ANKRD11: variants seen among roughly 807,000 people sequenced by gnomAD.
The protein encoded by ANKRD11 is ankyrin repeat domain-containing protein 11.
Under a neutral mutation model 195.7 loss-of-function variants are expected in ANKRD11, and 17 were observed. That is an observed-to-expected ratio of 0.09 (90% CI 0.06 to 0.13). The LOEUF is 0.13. ANKRD11 is among the 10% of genes least tolerant of loss of function. The pLI, the probability that ANKRD11 is intolerant of heterozygous loss-of-function variation, is 1.00. For synonymous variants in ANKRD11, 1,953 were observed against 1,528.1 expected (o/e 1.28, Z -6.49); for missense variants, 3,735 against 3,566.1 (o/e 1.05, Z -1.21).
At chr16:89,311,523 C>T (rs1249251394) in intron 3 of ANKRD11, among the ~76,000 whole-genome samples, 1 of 152,194 alleles carries the variant, frequency 6.6e-6, no homozygotes, top group African/African-American at 2.4e-5. Context: ...GCTTACCTCA[C>T]ACCACATACA....
intron 2 of ANKRD11, among the ~76,000 whole-genome samples, chr16:89,326,363 G>C (rs2037717796): frequency 6.6e-6 from 1 of 152,040 alleles, no homozygotes; most frequent in Admixed American, 6.6e-5. Flanking sequence ...GTCTGCAGAA[G>C]GGGACGCAGC....
In ANKRD11 at chr16:89,490,255, G is replaced by GGGCTGCGC. The variant is rs1416474448; in HGVS notation, c.-163_-156dup. On this transcript the variant is annotated 5_prime_UTR_variant, in exon 1 of 13. It removes the in-frame stop codon of an upstream open reading frame in the 5' UTR. Coordinates refer to ENST00000301030, the MANE Select transcript of ANKRD11 (RefSeq NM_013275.6). Reference sequence around the variant, plus strand: ...AGCGGCGCCTCTCACCGTGCTCCGAGGGCTGCGCGGCTCCGCGACGGCTCA... The same window carrying GGGCTGCGC: ...AGCGGCGCCTCTCACCGTGCTCCGAGGGCTGCGCGGCTGCGCGGCTCCGCGACGGCTCA... 1 of 155,848 alleles carries GGGCTGCGC rather than the reference G, an allele frequency of 6.4e-6. No individual in the cohort carries two copies. The highest frequency in any genetic ancestry group is 2.4e-5 in the African/African-American group (1 of 41,144). 9.7% of individuals were successfully genotyped at this position (155,848 alleles called of 1,614,324 possible).
At chr16:89,312,496 G>A (rs763321135) in intron 3 of ANKRD11, among the ~76,000 whole-genome samples, 13 of 152,220 alleles carry the variant, frequency 8.5e-5, no homozygotes, top group African/African-American at 1.2e-4. Context: ...GCCACAGGCC[G>A]TGTGCTCTGA....
At chr16:89,462,458 G>C (rs80003458) in intron 1 of ANKRD11, among the ~76,000 whole-genome samples, 15,961 of 152,276 alleles carry the variant, frequency 0.1, 1,106 homozygotes, top group Middle Eastern at 0.19. Flanking sequence ...GCCTCCCAAA[G>C]TGCCGAGACT....
chr16:89,316,734 C>T (rs1022179329), intron 3 of ANKRD11, among the ~76,000 whole-genome samples, 199 bp downstream of exon 3: 2 of 152,166 alleles, frequency 1.3e-5, no homozygotes, highest in African/African-American at 4.8e-5. Context: ...ACTTCGGTCC[C>T]CAAATAACAA....
intron 1 of ANKRD11, among the ~76,000 whole-genome samples, chr16:89,433,248 C>T (rs569995989): frequency 6.6e-6 from 1 of 152,304 alleles, no homozygotes; most frequent in African/African-American, 2.4e-5. Flanking sequence ...AGTTGAGTGG[C>T]CATGACTGGC....
intron 2 of ANKRD11, among the ~76,000 whole-genome samples, chr16:89,351,963 T>A (rs1250781865): frequency 6.6e-6 from 1 of 152,140 alleles, no homozygotes; most frequent in Admixed American, 6.5e-5. Context: ...CAGGATGGAG[T>A]GCAGTGGTGC....
chr16:89,338,424 TAA>T (rs397854933), intron 2 of ANKRD11, among the ~76,000 whole-genome samples: 1,560 of 126,986 alleles, frequency 0.012, 42 homozygotes, highest in East Asian at 0.11. Context: ...TACACTCTGT[TAA>T]AAAAAAAAAA....
intron 1 of ANKRD11, among the ~76,000 whole-genome samples, chr16:89,441,492 G>T (rs938559935): frequency 6.6e-6 from 1 of 151,374 alleles, no homozygotes; most frequent in African/African-American, 2.4e-5. Context: ...ACCTGGCCGG[G>T]CGCGGTGGCT....
intron 2 of ANKRD11, among the ~76,000 whole-genome samples, chr16:89,407,011 C>T (rs1005692208): frequency 2.6e-5 from 4 of 151,910 alleles, no homozygotes; most frequent in African/African-American, 7.3e-5. Context: ...ATGGTGAAAC[C>T]CTGTCTCTAC....
At chr16:89,420,113 T>C (rs2042451445) in intron 1 of ANKRD11, 2 of 152,274 alleles carry the variant, frequency 1.3e-5, no homozygotes, top group East Asian at 3.9e-4. Context: ...TAAAAATAAA[T>C]GTGAATACGC....
chr16:89,399,974 A>T (rs913108356), intron 2 of ANKRD11, among the ~76,000 whole-genome samples: 5 of 152,104 alleles, frequency 3.3e-5, no homozygotes, highest in Admixed American at 6.5e-5. Flanking sequence ...CCTCTGCCCC[A>T]GGCTTCCTGC....
Position 89,280,315 on chromosome 16 carries a change from G to T in ANKRD11, c.6227C>A (p.Pro2076Gln). The T allele has an allele frequency of 6.3e-7, 1 of 1,590,002 alleles. No individual in the cohort carries two copies. Among genetic ancestry groups the T allele is most frequent in the East Asian group, 2.2e-5 (1 of 44,500 alleles). ...FSNCKSLPEA[P>Q]LDVAPEPACV... ...GGCGGGCTCGGGGGCCACGTCCAGC[G>T]GGGCTTCCGGAAGTGACTTGCAGTT... is the stretch of plus-strand genomic sequence containing the variant. The change falls in exon 9 of 13, where the codon CCG (proline) becomes CAG (glutamine). Residue 2076 changes from proline to glutamine, a missense_variant. Coordinates refer to ENST00000301030, the MANE Select transcript of ANKRD11 (RefSeq NM_013275.6).
intron 1 of ANKRD11, among the ~76,000 whole-genome samples, chr16:89,436,614 G>A (rs567678620): frequency 6.6e-6 from 1 of 152,214 alleles, no homozygotes; most frequent in East Asian, 1.9e-4. Context: ...AAGACGCAGG[G>A]GCATCAGCCA....
At chr16:89,444,899 G>C (rs1435161594) in intron 1 of ANKRD11, among the ~76,000 whole-genome samples, 2 of 152,166 alleles carry the variant, frequency 1.3e-5, no homozygotes, top group Admixed American at 6.5e-5. Context: ...TAAGCTCAGG[G>C]AACCACCACC....
At chr16:89,432,270 CA>C (rs2043013399) in intron 1 of ANKRD11, among the ~76,000 whole-genome samples, 10 of 151,454 alleles carry the variant, frequency 6.6e-5, no homozygotes, top group South Asian at 2.1e-4. Flanking sequence ...CACACACACA[CA>C]CACACACCCC....
chr16:89,442,468 C>CA (rs2043556511), intron 1 of ANKRD11, among the ~76,000 whole-genome samples: 1 of 152,184 alleles, frequency 6.6e-6, no homozygotes. Flanking sequence ...GACAATCCCA[C>CA]AAACGCCCCT....
intron 1 of ANKRD11, among the ~76,000 whole-genome samples, chr16:89,450,251 T>G (rs2044009546): frequency 6.6e-6 from 1 of 152,188 alleles, no homozygotes; most frequent in Non-Finnish European, 1.5e-5. Context: ...TCTGAAAATA[T>G]GCCATCAATT....
intron 2 of ANKRD11, chr16:89,324,273 G>A (rs1222118866): frequency 8.0e-7 from 1 of 1,243,708 alleles, no homozygotes; most frequent in East Asian, 5.7e-5. Flanking sequence ...ACATACAGGA[G>A]CCCCGTGCTC....
Sources: allele counts gnomAD v4.1 joint callset (sites outside exome capture counted in the v4.1 genomes callset), GRCh38; gene constraint gnomAD v4.1.1; transcripts MANE v1.5; gene names NCBI Gene and HGNC (gene_info 2026-07-23, HGNC 2026-07-21).